COMMD1: variants seen among roughly 807,000 people sequenced by gnomAD.
COMMD1 encodes the protein copper metabolism domain containing 1, also known as COMM domain-containing protein 1.
COMMD1 carries 10 observed loss-of-function variants against 17.2 expected under a neutral mutation model. The observed-to-expected ratio is 0.58, with a 90% CI of 0.36 to 0.99. COMMD1 has a LOEUF of 0.99. Ranked by LOEUF, COMMD1 falls within the 50% of genes least tolerant of loss-of-function variation. The pLI is 0.01. For synonymous variants in COMMD1, 97 were observed against 91.6 expected, an observed-to-expected ratio of 1.06 and a Z score of -0.34; for missense variants, 270 against 231.8, an observed-to-expected ratio of 1.17 and a Z score of -1.07.
chr2:61,941,826 T>C (rs555460568), intron 1 of COMMD1, among the ~76,000 whole-genome samples: 29 of 152,312 alleles, frequency 1.9e-4, no homozygotes, highest in Admixed American at 1.9e-3. Context: ...ACTATAAAAG[T>C]TTCTCCAGAA....
At chr2:62,055,488 TG>T (rs1364307039) in intron 2 of COMMD1, 1 of 456,018 alleles carries the variant, frequency 2.2e-6, no homozygotes, top group East Asian at 6.9e-5. Flanking sequence ...TTTGTATATG[TG>T]GCGACCGGCT....
chr2:61,934,633 G>A (rs1670557178), intron 1 of COMMD1, among the ~76,000 whole-genome samples: 1 of 152,114 alleles, frequency 6.6e-6, no homozygotes, highest in Non-Finnish European at 1.5e-5. Context: ...TCAATGGTAG[G>A]CTGTCATGAA....
chr2:61,906,220 A>C (rs908731789), intron 1 of COMMD1, among the ~76,000 whole-genome samples: 1 of 152,106 alleles, frequency 6.6e-6, no homozygotes, highest in Admixed American at 6.5e-5. Context: ...CCGGTTGTGG[A>C]AGTTGGGAGC....
At chr2:62,096,529 C>T (rs530236583) in intron 2 of COMMD1, among the ~76,000 whole-genome samples, 1 of 152,206 alleles carries the variant, frequency 6.6e-6, no homozygotes, top group South Asian at 2.1e-4. Flanking sequence ...GTTTTTTTCC[C>T]CCCTCTTCCC....
intron 1 of COMMD1, among the ~76,000 whole-genome samples, chr2:61,979,494 A>G (rs186569974): frequency 6.6e-6 from 1 of 152,222 alleles, no homozygotes; most frequent in East Asian, 1.9e-4. Context: ...CAAACTAAAA[A>G]TAGAGCTAGC....
intron 2 of COMMD1, among the ~76,000 whole-genome samples, chr2:62,101,243 A>G (rs952542147): frequency 1.3e-5 from 2 of 152,156 alleles, no homozygotes; most frequent in African/African-American, 2.4e-5. Flanking sequence ...ATGTTCTACA[A>G]TTAAATTCTG....
intron 2 of COMMD1, among the ~76,000 whole-genome samples, chr2:62,072,176 G>C (rs1199798170): frequency 6.6e-6 from 1 of 152,114 alleles, no homozygotes. Context: ...ACAGGAGGTA[G>C]ACAAATTCCT....
chr2:62,034,484 A>T (rs1051446470), intron 2 of COMMD1, among the ~76,000 whole-genome samples: 2 of 152,100 alleles, frequency 1.3e-5, no homozygotes, highest in Non-Finnish European at 2.9e-5. Flanking sequence ...ATAGAGTGAG[A>T]CTCAGTCTCA....
At chr2:62,019,457 G>A (rs150676573) in intron 2 of COMMD1, among the ~76,000 whole-genome samples, 102 of 152,188 alleles carry the variant, frequency 6.7e-4, no homozygotes, top group African/African-American at 2.0e-3. Context: ...TTATAGGTGT[G>A]AGCCACTGCA....
At chr2:62,116,996 CAAAAAAAAAA>C (rs11350513) in intron 2 of COMMD1, among the ~76,000 whole-genome samples, 16 of 100,902 alleles carry the variant, frequency 1.6e-4, no homozygotes, top group African/African-American at 5.4e-4. Context: ...AACTTCGTCT[CAAAAAAAAAA>C]AAAAAAAAAT....
At chr2:61,898,784 T>A (rs1669602632) in intron 1 of COMMD1, among the ~76,000 whole-genome samples, 1 of 152,238 alleles carries the variant, frequency 6.6e-6, no homozygotes. Flanking sequence ...TAGGTATTTA[T>A]AATTTCCCTT....
intron 2 of COMMD1, among the ~76,000 whole-genome samples, chr2:62,011,205 A>G (rs1573066762): frequency 1.3e-5 from 2 of 152,178 alleles, no homozygotes; most frequent in East Asian, 1.9e-4. Flanking sequence ...TTTATGTTTT[A>G]TATTTACAAT....
chr2:61,933,453 A>T (rs905054378), intron 1 of COMMD1, among the ~76,000 whole-genome samples: 13 of 152,074 alleles, frequency 8.5e-5, no homozygotes, highest in Non-Finnish European at 5.9e-5. Context: ...AGCTGTTTTC[A>T]CTTAGTGCAG....
At chr2:62,084,256 C>T (rs1671599530) in intron 2 of COMMD1, among the ~76,000 whole-genome samples, 1 of 152,146 alleles carries the variant, frequency 6.6e-6, no homozygotes, top group African/African-American at 2.4e-5. Context: ...ATTTTGACTT[C>T]TCAAAAACTT....
At chr2:61,939,858 A>G (rs888889397) in intron 1 of COMMD1, among the ~76,000 whole-genome samples, 5 of 152,238 alleles carry the variant, frequency 3.3e-5, no homozygotes, top group East Asian at 3.8e-4. Context: ...CAGGCACTGT[A>G]GAATCTAGCA....
chr2:61,954,652 A>G (rs560637042), intron 1 of COMMD1, among the ~76,000 whole-genome samples: 2 of 151,930 alleles, frequency 1.3e-5, no homozygotes, highest in South Asian at 4.2e-4. Context: ...TCTAGAGGGC[A>G]GGCTAAACCA....
At position 62,132,521 on chromosome 2, in the gene COMMD1, T is replaced by C. The variant is rs183281922; in HGVS notation, c.463-3310T>C. Among the ~76,000 whole-genome samples, 26 of 152,342 alleles carry C rather than the reference T, an allele frequency of 1.7e-4. No homozygotes were observed. The East Asian group carries it at 5.0e-3, about 29-fold the overall frequency. On this transcript the variant is annotated intron_variant, in intron 2 of 2. Transcript: ENST00000311832. The stretch of plus-strand genomic sequence containing the variant: ...TTAGTTACTGGTAATCACTAATTTC[T>C]AGACCATTGTGTCCAAGGCCAGATG...
intron 1 of COMMD1, among the ~76,000 whole-genome samples, chr2:61,908,077 C>G (rs1296132307): frequency 1.3e-5 from 2 of 152,108 alleles, no homozygotes; most frequent in Non-Finnish European, 2.9e-5. Context: ...GCATGGCTCT[C>G]TTGGTGTTGG....
In COMMD1 at chr2:61,940,654, C is replaced by A. The variant is rs139686766; in HGVS notation, c.180+34796C>A. 8.5e-5 allele frequency among the ~76,000 whole-genome samples: 13 copies of A among 152,152 alleles called. No individual in the cohort carries two copies. The East Asian group carries it at 2.5e-3, about 29-fold the overall frequency. On this transcript the variant is annotated intron_variant, in intron 1 of 2. Coordinates refer to ENST00000311832, the MANE Select transcript of COMMD1 (RefSeq NM_152516.4). ...CCAGTCTAGGGCAAATAGTGAATAA[C>A]CATCCAAAAATTTCTATCACTCTTC...
Sources: allele counts gnomAD v4.1 joint callset (sites outside exome capture counted in the v4.1 genomes callset), GRCh38; gene constraint gnomAD v4.1.1; transcripts MANE v1.5; gene names NCBI Gene and HGNC (gene_info 2026-07-23, HGNC 2026-07-21).